The following ATXN7 variants were observed in gnomAD, a reference collection of about 807,000 sequenced individuals.
ATXN7 encodes the protein ataxin-7.
In ATXN7, 12 loss-of-function variants were observed where a neutral mutation model predicts 70.5. The observed-to-expected ratio is 0.17, with a 90% CI of 0.11 to 0.28. ATXN7 has a LOEUF of 0.28. ATXN7 is among the 10% of genes least tolerant of loss of function. The probability of loss-of-function intolerance (pLI) is 1.00; values close to 1 mark genes in which losing one functional copy is unlikely to be tolerated. For missense variants in ATXN7, 1,256 were observed against 1,131.7 expected, an observed-to-expected ratio of 1.11 and a Z score of -1.58; for synonymous variants, 498 against 448.7, an observed-to-expected ratio of 1.11 and a Z score of -1.39.
chr3:63,986,760 G>A (rs1279038357), intron 8 of ATXN7, among the ~76,000 whole-genome samples: 1 of 152,204 alleles, frequency 6.6e-6, no homozygotes, highest in Admixed American at 6.5e-5. Flanking sequence ...ATAGTTTGCA[G>A]TGTGTCTCGT....
At chr3:63,882,915 G>A (rs762719904) in intron 1 of ATXN7, among the ~76,000 whole-genome samples, 2 of 152,276 alleles carry the variant, frequency 1.3e-5, no homozygotes, top group Middle Eastern at 3.4e-3. Context: ...TAAAGAGCTC[G>A]TGGTGTGTGC....
chr3:63,998,425 C>T (rs1002541062), intron 12 of ATXN7: 1 of 985,200 alleles, frequency 1.0e-6, no homozygotes, highest in Non-Finnish European at 1.2e-6. Flanking sequence ...TCTGGTATAG[C>T]CTATGTATCT....
rs143243141 is a variant in ATXN7, at chr3:63,999,333, A to C, written c.2662-117A>C. Reference sequence around the variant, plus strand: ...TGACTGTTCCTGGTGTCACTCAGTCAATGGAGACTTTAGTAGCGTGCAGCC... The same window carrying C: ...TGACTGTTCCTGGTGTCACTCAGTCCATGGAGACTTTAGTAGCGTGCAGCC... On this transcript the variant is annotated intron_variant, in intron 12 of 12. Coordinates refer to ENST00000674280, the MANE Select transcript of ATXN7 (RefSeq NM_001377405.1). The C allele has an allele frequency of 2.5e-4, 210 of 826,944 alleles. 1 individual carries two copies. The African/African-American group carries it at 3.1e-3, about 12-fold the overall frequency. The allele number at this position is 826,944 out of a possible 1,614,324, so 51.2% of individuals were successfully genotyped here.
intron 4 of ATXN7, among the ~76,000 whole-genome samples, chr3:63,942,515 T>C (rs898730242): frequency 2.6e-5 from 4 of 152,312 alleles, no homozygotes; most frequent in East Asian, 1.9e-4. Context: ...TTCACCGATA[T>C]ATTTACCCAA....
chr3:63,911,160 TAAG>T (rs1704001658), intron 2 of ATXN7, among the ~76,000 whole-genome samples: 2 of 152,188 alleles, frequency 1.3e-5, no homozygotes, highest in African/African-American at 2.4e-5. Context: ...AACATGCTGA[TAAG>T]AATCACTGTT....
chr3:63,975,010 A>C (rs1016855354), intron 5 of ATXN7, among the ~76,000 whole-genome samples: 1 of 152,208 alleles, frequency 6.6e-6, no homozygotes, highest in African/African-American at 2.4e-5. Context: ...ATCTTCCCAC[A>C]TGGCTCATTT....
At chr3:63,964,535 G>C (rs1291914233) in intron 5 of ATXN7, among the ~76,000 whole-genome samples, 1 of 152,164 alleles carries the variant, frequency 6.6e-6, no homozygotes, top group Non-Finnish European at 1.5e-5. Context: ...TGTAAATCAG[G>C]CCATGAAGAT....
At chr3:63,884,648 C>G (rs1326009871) in intron 1 of ATXN7, among the ~76,000 whole-genome samples, 3 of 146,818 alleles carry the variant, frequency 2.0e-5, no homozygotes, top group Admixed American at 2.0e-4. Context: ...TTTTTTTTTT[C>G]TTTCTTATTT....
chr3:63,870,289 A>G (rs542754387), intron 1 of ATXN7, among the ~76,000 whole-genome samples: 3 of 152,366 alleles, frequency 2.0e-5, no homozygotes, highest in African/African-American at 7.2e-5. Context: ...CCTGTTATAT[A>G]CAAATCTTAG....
chr3:63,967,960 C>T, intron 5 of ATXN7: 2 of 1,535,902 alleles, frequency 1.3e-6, no homozygotes, highest in Non-Finnish European at 8.7e-7. Context: ...TGCGCAGGAG[C>T]TGAAAGCTCC....
At chr3:63,998,149 A>G (rs1298453547) in intron 12 of ATXN7, 1 of 976,110 alleles carries the variant, frequency 1.0e-6, no homozygotes. Flanking sequence ...CACTGTCTTC[A>G]TTTAGACAGG....
chr3:63,976,755 G>C (rs1372795116), intron 5 of ATXN7, among the ~76,000 whole-genome samples: 1 of 152,130 alleles, frequency 6.6e-6, no homozygotes, highest in Non-Finnish European at 1.5e-5. Context: ...ACTGCACAAT[G>C]CAAAATTACG....
chr3:63,976,252 A>T (rs1477684561), intron 5 of ATXN7, among the ~76,000 whole-genome samples: 1 of 152,164 alleles, frequency 6.6e-6, no homozygotes, highest in Middle Eastern at 3.2e-3. Flanking sequence ...GGGGAGTCCA[A>T]CTCAACTACA....
intron 1 of ATXN7, among the ~76,000 whole-genome samples, chr3:63,870,701 G>A (rs1006812602): frequency 1.3e-5 from 2 of 152,106 alleles, no homozygotes; most frequent in Non-Finnish European, 1.5e-5. Flanking sequence ...TTTGCTTAAT[G>A]TTCCTATTAA....
chr3:63,917,600 G>C (rs72880319), intron 4 of ATXN7, among the ~76,000 whole-genome samples: 2,896 of 152,274 alleles, frequency 0.019, 98 homozygotes, highest in African/African-American at 0.063. Context: ...CCGTTGTGTG[G>C]TATCAAAGTA....
chr3:63,937,303 A>G (rs2074680004), intron 4 of ATXN7, among the ~76,000 whole-genome samples: 1 of 152,244 alleles, frequency 6.6e-6, no homozygotes, highest in East Asian at 1.9e-4. Flanking sequence ...TTATTAGCGC[A>G]TAAAGTTCTT....
At chr3:63,894,954 T>C (rs1363783452) in intron 1 of ATXN7, among the ~76,000 whole-genome samples, 2 of 152,124 alleles carry the variant, frequency 1.3e-5, no homozygotes, top group African/African-American at 4.8e-5. Flanking sequence ...TGTTGTTGTT[T>C]TCTCTCCCTC....
In ATXN7 at chr3:63,912,667, AGCGGCC is replaced by A. The variant is rs1488152124; in HGVS notation, c.78_83del (p.Ala27_Ala28del). The A allele has an allele frequency of 1.5e-5, 16 of 1,050,676 alleles. No homozygotes were observed. The highest frequency in any genetic ancestry group is 3.5e-5 in the African/African-American group (2 of 57,264). 65.1% of individuals were successfully genotyped at this position (1,050,676 alleles called of 1,614,324 possible). Reference sequence around the variant, plus strand: ...GCGCGGCGGCGGCGGCGGGCGGAGCAGCGGCCGCGGCCGCCCGGCAGCAGCAGCAGC... The same window carrying A: ...GCGCGGCGGCGGCGGCGGGCGGAGCAGCGGCCGCCCGGCAGCAGCAGCAGC... On this transcript the variant is annotated inframe_deletion, in exon 3 of 13. Transcript: ENST00000674280.
chr3:63,961,727 AAATT>A (rs1182118466), intron 5 of ATXN7, among the ~76,000 whole-genome samples: 1 of 151,980 alleles, frequency 6.6e-6, no homozygotes, highest in African/African-American at 2.4e-5. Flanking sequence ...GGCTTAATAA[AAATT>A]AAGTAAGAAA....
Sources: gnomAD v4.1 joint callset for allele counts (sites outside exome capture counted in the v4.1 genomes callset) on GRCh38, gnomAD v4.1.1 for gene constraint, MANE v1.5 for transcripts, NCBI Gene and HGNC (gene_info 2026-07-23, HGNC 2026-07-21) for gene names.